Variants in PRR5L observed in about 807,000 individuals in gnomAD.
PRR5L encodes the protein proline rich 5 like.
Under a neutral mutation model 36.4 loss-of-function variants are expected in PRR5L, and 21 were observed. That is an observed-to-expected ratio of 0.58 (90% confidence interval 0.41 to 0.83). The LOEUF is 0.83. Ranked by LOEUF, PRR5L falls within the 40% of genes least tolerant of loss-of-function variation. The pLI, the probability that PRR5L is intolerant of heterozygous loss-of-function variation, is 0.00. For missense variants in PRR5L, 381 were observed against 473.3 expected (o/e 0.80, Z 1.81); for synonymous variants, 188 against 197.0 (o/e 0.95, Z 0.38).
At chr11:36,376,493 T>C in intron 1 of PRR5L, 1 of 1,064,638 alleles carries the variant, frequency 9.4e-7, no homozygotes, top group Non-Finnish European at 1.1e-6. Context: ...GGACCCCATC[T>C]GAGGGCAGAG....
At position 36,324,854 on chromosome 11, in the gene PRR5L, C is replaced by A. The variant is rs368335066; in HGVS notation, c.-126+28416C>A. ...TATCTTTTCATTCTCTTAATAAGAT[C>A]TTTTTATTTTCTTAATTTTAGTGAA... On this transcript the variant is annotated intron_variant, in intron 1 of 8. Coordinates refer to ENST00000530639, the MANE Select transcript of PRR5L (RefSeq NM_001160167.2). 1.6e-4 allele frequency among the ~76,000 whole-genome samples: 25 copies of A among 152,108 alleles called. No homozygotes were observed. The South Asian group carries it at 5.2e-3, about 32-fold the overall frequency.
rs191877174 is a variant in PRR5L, at chr11:36,345,777, C to G, written c.-126+49339C>G. ...GGTTTAGTGGGAGGTGTGGGTAGGT[C>G]AGGTAACAGCAGATGCTCCGGGAAA... is the stretch of plus-strand genomic sequence containing the variant. On this transcript the variant is annotated intron_variant, in intron 1 of 8. Transcript: ENST00000530639. Among the ~76,000 whole-genome samples, 165 of 152,278 alleles carry G rather than the reference C, an allele frequency of 1.1e-3. 3 individuals carry two copies. In the East Asian group the frequency reaches 0.025, roughly 23 times the overall value.
At chr11:36,441,821 C>A (rs1242783542) in intron 6 of PRR5L, among the ~76,000 whole-genome samples, 2 of 152,136 alleles carry the variant, frequency 1.3e-5, no homozygotes, top group African/African-American at 4.8e-5. Flanking sequence ...CTCTGTGCAC[C>A]TGTAGACTTA....
intron 1 of PRR5L, among the ~76,000 whole-genome samples, chr11:36,385,030 C>G (rs1224488220): frequency 6.6e-6 from 1 of 152,140 alleles, no homozygotes; most frequent in Admixed American, 6.6e-5. Flanking sequence ...GAGAGTAGAG[C>G]TAATTTTTTA....
At chr11:36,322,475 C>T (rs1856622273) in intron 1 of PRR5L, among the ~76,000 whole-genome samples, 1 of 152,112 alleles carries the variant, frequency 6.6e-6, no homozygotes, top group Non-Finnish European at 1.5e-5. Flanking sequence ...ATCTGCCTAC[C>T]GTACTTTGGT....
At chr11:36,380,843 A>G (rs1857355335) in intron 1 of PRR5L, among the ~76,000 whole-genome samples, 1 of 152,144 alleles carries the variant, frequency 6.6e-6, no homozygotes, top group South Asian at 2.1e-4. Context: ...GAGCAGGATA[A>G]TAAATGACAT....
rs1369872969 is a variant in PRR5L at position 36,464,625 on chromosome 11, G to GTAAC, written c.*1891_*1894dup. 1 of 152,346 alleles carries GTAAC rather than the reference G, an allele frequency of 6.6e-6. No individual in the cohort carries two copies. The highest frequency in any genetic ancestry group is 2.4e-5 in the African/African-American group (1 of 41,590). The allele number at this position is 152,346 out of a possible 1,614,324, so 9.4% of individuals were successfully genotyped here. A position where few individuals can be genotyped will look rare whatever the true frequency, so the allele number is the denominator to read the frequency against. ...AGTAGGTAGCAACATGATAATTTAT[G>GTAAC]TAACTGATAGCTTCTGTCCTTATTA... On this transcript the variant is annotated 3_prime_UTR_variant, in exon 9 of 9. Transcript: ENST00000530639.
intron 1 of PRR5L, among the ~76,000 whole-genome samples, chr11:36,368,240 C>G (rs1301696873): frequency 6.6e-6 from 1 of 151,874 alleles, no homozygotes; most frequent in Non-Finnish European, 1.5e-5. Flanking sequence ...AATTTCAAGG[C>G]AAGAGGGAGA....
At chr11:36,362,283 C>G (rs1247245391) in intron 1 of PRR5L, 1 of 152,048 alleles carries the variant, frequency 6.6e-6, no homozygotes, top group African/African-American at 2.4e-5. Flanking sequence ...ACGGATCCCT[C>G]CCTTCCCTTT....
At chr11:36,336,388 C>T (rs1856769161) in intron 1 of PRR5L, among the ~76,000 whole-genome samples, 1 of 152,184 alleles carries the variant, frequency 6.6e-6, no homozygotes, top group African/African-American at 2.4e-5. Context: ...CACCATCACA[C>T]CCGGCTAATT....
intron 1 of PRR5L, among the ~76,000 whole-genome samples, chr11:36,370,046 G>A (rs532867491): frequency 6.6e-6 from 1 of 152,318 alleles, no homozygotes; most frequent in South Asian, 2.1e-4. Flanking sequence ...TTTGATCATG[G>A]CAGTGGTGAC....
chr11:36,356,205 C>T (rs2133497828), intron 1 of PRR5L, among the ~76,000 whole-genome samples: 1 of 152,264 alleles, frequency 6.6e-6, no homozygotes, highest in South Asian at 2.1e-4. Context: ...AGCCACCATG[C>T]CCAGCCAACA....
chr11:36,403,463 GTTTTT>G, intron 3 of PRR5L, 85 bp downstream of exon 3: 1 of 649,528 alleles, frequency 1.5e-6, no homozygotes, highest in South Asian at 2.0e-5. Flanking sequence ...AGCCTTAAGG[GTTTTT>G]TTTTTTTTTT....
chr11:36,451,968 C>T (rs2133625808), intron 8 of PRR5L, among the ~76,000 whole-genome samples: 1 of 151,954 alleles, frequency 6.6e-6, no homozygotes, highest in Non-Finnish European at 1.5e-5. Context: ...TGTTCCTTCT[C>T]TCAGTGACAC....
chr11:36,318,562 T>C (rs1448217261), intron 1 of PRR5L, among the ~76,000 whole-genome samples: 1 of 152,156 alleles, frequency 6.6e-6, no homozygotes, highest in East Asian at 1.9e-4. Flanking sequence ...GATGGACATT[T>C]TGATGTAATT....
intron 3 of PRR5L, among the ~76,000 whole-genome samples, chr11:36,403,828 A>C (rs1857853129): frequency 6.6e-6 from 1 of 152,226 alleles, no homozygotes; most frequent in Non-Finnish European, 1.5e-5. Flanking sequence ...GCAAGGACCA[A>C]AGACAGACAT....
intron 3 of PRR5L, among the ~76,000 whole-genome samples, chr11:36,403,821 A>G (rs528906092): frequency 6.6e-6 from 1 of 152,356 alleles, no homozygotes; most frequent in African/African-American, 2.4e-5. Flanking sequence ...AGAGACAGCA[A>G]GGACCAAAGA....
intron 4 of PRR5L, among the ~76,000 whole-genome samples, chr11:36,423,705 A>AG (rs1249171247): frequency 6.6e-6 from 1 of 152,218 alleles, no homozygotes; most frequent in African/African-American, 2.4e-5. Context: ...CTATCTACAC[A>AG]GGGGGGCTTT....
chr11:36,308,631 T>C (rs757775303), intron 1 of PRR5L, among the ~76,000 whole-genome samples: 20 of 152,224 alleles, frequency 1.3e-4, no homozygotes, highest in Non-Finnish European at 1.6e-4. Flanking sequence ...ATCACAATTT[T>C]AGCTGATGTG....
Sources: gnomAD v4.1 joint callset for allele counts (sites outside exome capture counted in the v4.1 genomes callset) on GRCh38, gnomAD v4.1.1 for gene constraint, MANE v1.5 for transcripts, NCBI Gene and HGNC (gene_info 2026-07-23, HGNC 2026-07-21) for gene names.